The following COL24A1 variants were observed in gnomAD, a reference collection of about 807,000 sequenced individuals.
The protein encoded by COL24A1 is collagen type XXIV alpha 1 chain.
COL24A1 carries 224 observed loss-of-function variants against 253.9 expected under a neutral mutation model. The ratio of observed to expected loss-of-function variants is 0.88; its 90% CI spans 0.79 to 0.99. COL24A1 has a LOEUF of 0.99. COL24A1 is among the 50% of genes least tolerant of loss of function. COL24A1 has a pLI of 0.00. For missense variants in COL24A1, 2,131 were observed against 2,068.5 expected, an observed-to-expected ratio of 1.03 and a Z score of -0.59; for synonymous variants, 685 against 673.7, an observed-to-expected ratio of 1.02 and a Z score of -0.26.
chr1:85,969,592 G>A (rs1440867042), intron 22 of COL24A1, among the ~76,000 whole-genome samples: 45 of 100,722 alleles, frequency 4.5e-4, no homozygotes, highest in African/African-American at 1.7e-3. Flanking sequence ...ATGACAGAGT[G>A]AGACTCTGTC....
At chr1:85,812,775 T>G (rs1246220353) in intron 47 of COL24A1, among the ~76,000 whole-genome samples, 1 of 152,246 alleles carries the variant, frequency 6.6e-6, no homozygotes, top group South Asian at 2.1e-4. Context: ...CAGTCAACAT[T>G]TTTCCATACT....
chr1:86,065,762 A>T (rs1199289632), intron 7 of COL24A1, among the ~76,000 whole-genome samples: 1 of 151,754 alleles, frequency 6.6e-6, no homozygotes, highest in Non-Finnish European at 1.5e-5. Context: ...CCTCTAAAAA[A>T]AAAAAAAAAA....
At chr1:85,824,296 C>T (rs1054958825) in intron 43 of COL24A1, among the ~76,000 whole-genome samples, 1 of 152,062 alleles carries the variant, frequency 6.6e-6, no homozygotes, top group Non-Finnish European at 1.5e-5. Context: ...CTAGAGGGAG[C>T]GTGGCCCTGT....
intron 57 of COL24A1, among the ~76,000 whole-genome samples, chr1:85,738,577 T>C (rs1664296673): frequency 6.6e-6 from 1 of 152,210 alleles, no homozygotes; most frequent in Non-Finnish European, 1.5e-5. Context: ...AATAGCATCT[T>C]ATTCCAAATA....
intron 3 of COL24A1, among the ~76,000 whole-genome samples, chr1:86,115,927 G>A (rs779197520): frequency 4.0e-5 from 6 of 148,714 alleles, no homozygotes; most frequent in Non-Finnish European, 6.0e-5. Flanking sequence ...GTCACTAATA[G>A]AGTTAAATGA....
chr1:86,099,426 G>A (rs904026843), intron 5 of COL24A1, among the ~76,000 whole-genome samples: 7 of 152,090 alleles, frequency 4.6e-5, no homozygotes. Flanking sequence ...AGTCCATAGA[G>A]AAAATTAACA....
chr1:85,844,225 G>A (rs1364977197), intron 39 of COL24A1, among the ~76,000 whole-genome samples: 4 of 151,870 alleles, frequency 2.6e-5, no homozygotes, highest in Non-Finnish European at 5.9e-5. Context: ...AAATCATATA[G>A]GTCACATCCT....
At chr1:86,129,090 T>A (rs1409122672) in intron 2 of COL24A1, among the ~76,000 whole-genome samples, 2 of 151,896 alleles carry the variant, frequency 1.3e-5, no homozygotes, top group Non-Finnish European at 2.9e-5. Context: ...TCATTGATAG[T>A]GCTTCATTCA....
intron 38 of COL24A1, 29 bp from the exon 39 acceptor site, chr1:85,847,801 G>T: frequency 2.0e-6 from 3 of 1,482,416 alleles, no homozygotes; most frequent in Non-Finnish European, 2.8e-6. Context: ...AGAGAGAAAA[G>T]CAAGAAAAAA....
chr1:86,098,547 G>T (rs375692695), intron 5 of COL24A1, among the ~76,000 whole-genome samples: 1 of 152,150 alleles, frequency 6.6e-6, no homozygotes, highest in Non-Finnish European at 1.5e-5. Context: ...CAGTTTGGGG[G>T]TTTAGCCACA....
chr1:85,835,001 T>C (rs999145498), intron 43 of COL24A1, among the ~76,000 whole-genome samples: 2 of 152,328 alleles, frequency 1.3e-5, no homozygotes, highest in Admixed American at 1.3e-4. Flanking sequence ...ATGTTTTTTA[T>C]ATATATGATG....
chr1:85,816,480 A>G (rs2101924256), intron 47 of COL24A1, among the ~76,000 whole-genome samples: 2 of 152,364 alleles, frequency 1.3e-5, no homozygotes. Context: ...TGATGAACTC[A>G]AAGTACAGCC....
intron 28 of COL24A1, among the ~76,000 whole-genome samples, chr1:85,901,547 T>C (rs924191406): frequency 6.6e-6 from 1 of 152,078 alleles, no homozygotes; most frequent in East Asian, 1.9e-4. Context: ...TGGTGGCTCA[T>C]GCCTGTAATC....
chr1:85,956,279 C>G (rs1388437710), intron 24 of COL24A1, among the ~76,000 whole-genome samples: 2 of 152,204 alleles, frequency 1.3e-5, no homozygotes, highest in African/African-American at 4.8e-5. Flanking sequence ...ATTTCCTCCA[C>G]TGACTCCACC....
intron 47 of COL24A1, among the ~76,000 whole-genome samples, chr1:85,804,577 AG>A (rs1201768388): frequency 2.6e-5 from 4 of 152,186 alleles, no homozygotes; most frequent in African/African-American, 9.7e-5. Flanking sequence ...GTGGAAGGCA[AG>A]GAGGAGCAAG....
intron 37 of COL24A1, among the ~76,000 whole-genome samples, chr1:85,850,391 T>C (rs979364642): frequency 6.6e-6 from 1 of 152,202 alleles, no homozygotes; most frequent in Non-Finnish European, 1.5e-5. Flanking sequence ...AGATAAATAT[T>C]TGTTGAACGA....
chr1:85,964,870 C>T (rs1691408272), intron 23 of COL24A1, 139 bp downstream of exon 23: 1 of 647,172 alleles, frequency 1.5e-6, no homozygotes, highest in Non-Finnish European at 2.6e-6. Context: ...TATAGATTCT[C>T]AGTTGCTCTT....
intron 43 of COL24A1, among the ~76,000 whole-genome samples, chr1:85,834,223 G>A (rs1264901781): frequency 1.3e-5 from 2 of 152,010 alleles, no homozygotes; most frequent in Non-Finnish European, 2.9e-5. Context: ...CAAAAGAAGT[G>A]GCTGACTGTG....
intron 24 of COL24A1, among the ~76,000 whole-genome samples, chr1:85,941,279 C>T (rs1388226969): frequency 4.6e-5 from 7 of 152,080 alleles, no homozygotes; most frequent in Non-Finnish European, 8.8e-5. Context: ...TATCTAAAGA[C>T]AAACTCAGAG....
Sources: gnomAD v4.1 joint callset for allele counts (sites outside exome capture counted in the v4.1 genomes callset) on GRCh38, gnomAD v4.1.1 for gene constraint, MANE v1.5 for transcripts, NCBI Gene and HGNC (gene_info 2026-07-23, HGNC 2026-07-21) for gene names.